CPNE4: variants seen among roughly 807,000 people sequenced by gnomAD.
CPNE4 encodes the protein copine 4.
A neutral mutation model predicts 67.9 loss-of-function variants in CPNE4; 25 were observed. The observed-to-expected ratio is 0.37, with a 90% CI of 0.27 to 0.51. The LOEUF (loss-of-function observed/expected upper bound fraction) is 0.51, where lower values mean the gene tolerates loss of function less well. Among genes scored for constraint, CPNE4 ranks in the 20% least tolerant of loss-of-function variants. CPNE4 has a pLI of 0.93. For missense variants in CPNE4, 464 were observed against 690.8 expected (o/e 0.67, Z 3.68); for synonymous variants, 242 against 244.9 (o/e 0.99, Z 0.11).
At chr3:131,938,822 A>G (rs1166434724) in intron 1 of CPNE4, among the ~76,000 whole-genome samples, 6 of 152,132 alleles carry the variant, frequency 3.9e-5, no homozygotes, top group African/African-American at 1.4e-4. Flanking sequence ...AAACCATATA[A>G]AATGGATCAG....
chr3:131,673,757 A>G (rs972786415), intron 6 of CPNE4, among the ~76,000 whole-genome samples: 6 of 152,070 alleles, frequency 3.9e-5, no homozygotes, highest in Non-Finnish European at 5.9e-5. Flanking sequence ...ATCATCTGCA[A>G]ACAAGTATAA....
At chr3:131,984,160 T>G (rs1194032484) in intron 1 of CPNE4, among the ~76,000 whole-genome samples, 1 of 152,154 alleles carries the variant, frequency 6.6e-6, no homozygotes, top group Non-Finnish European at 1.5e-5. Context: ...CTTGTAGATT[T>G]TTACTCCTTT....
At chr3:131,633,585 ATAAT>A (rs1231770843) in intron 7 of CPNE4, among the ~76,000 whole-genome samples, 2 of 139,650 alleles carry the variant, frequency 1.4e-5, no homozygotes, top group East Asian at 3.9e-4. Context: ...AAGTGAAGAC[ATAAT>A]TAATAATAAT....
chr3:131,782,198 T>A (rs2083446725), intron 2 of CPNE4, among the ~76,000 whole-genome samples: 1 of 152,086 alleles, frequency 6.6e-6, no homozygotes, highest in African/African-American at 2.4e-5. Flanking sequence ...GTAAAGAGAA[T>A]AATCAATTTG....
chr3:131,620,749 AG>A (rs1401890744), intron 7 of CPNE4, among the ~76,000 whole-genome samples: 2 of 152,134 alleles, frequency 1.3e-5, no homozygotes, highest in Non-Finnish European at 2.9e-5. Flanking sequence ...GATTGCTAGA[AG>A]GGGGTCACAG....
At chr3:131,891,639 T>C (rs1364515110) in intron 2 of CPNE4, among the ~76,000 whole-genome samples, 1 of 152,086 alleles carries the variant, frequency 6.6e-6, no homozygotes, top group Admixed American at 6.6e-5. Flanking sequence ...GTGTTCTCAT[T>C]ATTTAGCTCC....
intron 1 of CPNE4, among the ~76,000 whole-genome samples, chr3:131,949,817 G>A (rs1583497784): frequency 6.6e-6 from 1 of 152,068 alleles, no homozygotes; most frequent in African/African-American, 2.4e-5. Flanking sequence ...TTAAAATATT[G>A]TATATTTTAC....
intron 1 of CPNE4, among the ~76,000 whole-genome samples, chr3:132,004,189 T>C (rs1472194078): frequency 6.6e-5 from 10 of 152,080 alleles, no homozygotes; most frequent in African/African-American, 2.2e-4. Flanking sequence ...AAAAAATAGA[T>C]ACTTTAAAAA....
intron 2 of CPNE4, among the ~76,000 whole-genome samples, chr3:131,891,164 A>AT (rs1254627614): frequency 3.3e-5 from 5 of 152,004 alleles, no homozygotes; most frequent in Non-Finnish European, 7.4e-5. Flanking sequence ...ATATATATAT[A>AT]TTTTTTATCT....
intron 7 of CPNE4, among the ~76,000 whole-genome samples, chr3:131,614,876 T>A (rs1280481238): frequency 6.6e-6 from 1 of 152,224 alleles, no homozygotes; most frequent in Non-Finnish European, 1.5e-5. Context: ...TGTCTTAATA[T>A]CTTGTTTTTA....
chr3:131,624,921 A>G (rs1422903031), intron 7 of CPNE4, among the ~76,000 whole-genome samples: 1 of 152,196 alleles, frequency 6.6e-6, no homozygotes, highest in African/African-American at 2.4e-5. Context: ...TCATGCACAG[A>G]AGCTCATAGA....
intron 11 of CPNE4, among the ~76,000 whole-genome samples, chr3:131,557,225 AC>A (rs1206645630): frequency 6.6e-6 from 1 of 152,120 alleles, no homozygotes; most frequent in African/African-American, 2.4e-5. Flanking sequence ...CATGTCATCT[AC>A]CTTTTATTTC....
intron 1 of CPNE4, among the ~76,000 whole-genome samples, chr3:131,974,093 G>C (rs1360027475): frequency 6.6e-6 from 1 of 152,152 alleles, no homozygotes; most frequent in African/African-American, 2.4e-5. Context: ...GTAGAAAGGA[G>C]GTATTTGGAC....
chr3:131,555,499 T>G lies in CPNE4; in HGVS notation c.1114A>C (p.Thr372Pro). 1 of 1,612,376 alleles carries G rather than the reference T, an allele frequency of 6.2e-7. No individual in the cohort carries two copies. Among genetic ancestry groups the G allele is most frequent in the Non-Finnish European group, 8.5e-7 (1 of 1,179,004 alleles). ...GFGARIPPEY[T>P]VSHDFAINFN... ...AGATCACATCTCCACTCACTCACCG[T>G]GTACTCTGGAGGTATCCTGGCGCCA... Residue 372 changes from threonine to proline, a missense_variant and splice_region_variant, in exon 12 of 16, where the codon ACG becomes CCG. Around this residue, in one of 6 missense-constraint regions of CPNE4, gnomAD observed 201 missense variants for 357.7 expected, o/e 0.56. Coordinates refer to ENST00000429747, the MANE Select transcript of CPNE4 (RefSeq NM_130808.3).
At chr3:131,557,779 A>C (rs1191448661) in intron 11 of CPNE4, among the ~76,000 whole-genome samples, 1 of 151,974 alleles carries the variant, frequency 6.6e-6, no homozygotes, top group Non-Finnish European at 1.5e-5. Flanking sequence ...TTCCTCCTTA[A>C]ACAAAACAAG....
chr3:131,724,188 T>A (rs1423821608), intron 2 of CPNE4, among the ~76,000 whole-genome samples: 1 of 152,144 alleles, frequency 6.6e-6, no homozygotes, highest in African/African-American at 2.4e-5. Context: ...TCCTAATCCA[T>A]GATTTCCAGC....
At chr3:131,680,819 C>T (rs190640596) in intron 6 of CPNE4, among the ~76,000 whole-genome samples, 1 of 152,142 alleles carries the variant, frequency 6.6e-6, no homozygotes, top group East Asian at 1.9e-4. Flanking sequence ...TCGCTCAACC[C>T]CCTCCCACCC....
intron 2 of CPNE4, among the ~76,000 whole-genome samples, chr3:131,771,176 A>G (rs1458913529): frequency 6.6e-6 from 1 of 152,192 alleles, no homozygotes; most frequent in African/African-American, 2.4e-5. Flanking sequence ...AACATAATAG[A>G]TGCTCGATCA....
chr3:132,039,295 GTT>G (rs1560829630), upstream of CPNE4, among the ~76,000 whole-genome samples: 1 of 152,160 alleles, frequency 6.6e-6, no homozygotes, highest in African/African-American at 2.4e-5. Flanking sequence ...CTACCTGAAG[GTT>G]ACAGTAAGTC....
Sources: allele counts gnomAD v4.1 joint callset (sites outside exome capture counted in the v4.1 genomes callset), GRCh38; gene constraint gnomAD v4.1.1; regional missense constraint gnomAD v4.1.1; transcripts MANE v1.5; gene names NCBI Gene and HGNC (gene_info 2026-07-23, HGNC 2026-07-21).